TMC1: variants seen among roughly 807,000 people sequenced by gnomAD.
TMC1 encodes the protein transmembrane channel like 1, also known as transmembrane channel-like protein 1.
TMC1 carries 84 observed loss-of-function variants against 105.8 expected under a neutral mutation model. The ratio of observed to expected loss-of-function variants is 0.79; its 90% CI spans 0.67 to 0.95. The LOEUF (loss-of-function observed/expected upper bound fraction) is 0.95, where lower values mean the gene tolerates loss of function less well. Ranked by LOEUF, TMC1 falls within the 40% of genes least tolerant of loss-of-function variation. The pLI, the probability that TMC1 is intolerant of heterozygous loss-of-function variation, is 0.00. For synonymous variants in TMC1, 315 were observed against 311.5 expected, an observed-to-expected ratio of 1.01 and a Z score of -0.12; for missense variants, 817 against 914.1, an observed-to-expected ratio of 0.89 and a Z score of 1.37.
intron 5 of TMC1, among the ~76,000 whole-genome samples, chr9:72,685,309 T>C (rs1394500470): frequency 6.6e-6 from 1 of 150,556 alleles, no homozygotes. Flanking sequence ...GGTTTCACTG[T>C]GTTAGCCAGG....
At position 72,740,139 on chromosome 9, in the gene TMC1, G is replaced by A; in HGVS notation, c.383G>A (p.Ser128Asn). The A allele has an allele frequency of 6.2e-7, 1 of 1,613,636 alleles. No individual in the cohort carries two copies. Among genetic ancestry groups the A allele is most frequent in the Non-Finnish European group, 8.5e-7 (1 of 1,179,712 alleles). ...EVLKEAKKFV[S>N]ENEGALGKGK... Reference sequence around the variant, plus strand: ...CTCAGGGAGGCAAAAAAATTTGTGAGTGAAAATGAAGGGGCTCTTGGGAAA... The same window carrying A: ...CTCAGGGAGGCAAAAAAATTTGTGAATGAAAATGAAGGGGCTCTTGGGAAA... The change falls in exon 9 of 24, where the codon AGT becomes AAT. Residue 128 changes from serine (S) to asparagine (N), a missense_variant. By Grantham distance (46) the Ser-to-Asn change is conservative. Coordinates refer to ENST00000297784, the MANE Select transcript of TMC1 (RefSeq NM_138691.3).
intron 8 of TMC1, among the ~76,000 whole-genome samples, chr9:72,729,703 G>A (rs1827177313): frequency 6.6e-6 from 1 of 152,164 alleles, no homozygotes; most frequent in African/African-American, 2.4e-5. Flanking sequence ...GCAGAAAGAT[G>A]TGATACTTTG....
At chr9:72,765,374 A>G (rs1010972123) in intron 12 of TMC1, among the ~76,000 whole-genome samples, 4 of 152,088 alleles carry the variant, frequency 2.6e-5, no homozygotes, top group African/African-American at 7.2e-5. Context: ...AGGAAGGGGC[A>G]TTCATTACCC....
At chr9:72,614,904 T>C (rs1346765445) in intron 2 of TMC1, among the ~76,000 whole-genome samples, 1 of 152,168 alleles carries the variant, frequency 6.6e-6, no homozygotes, top group African/African-American at 2.4e-5. Context: ...GGTCTGAAAC[T>C]CCTGAGCTCA....
intron 8 of TMC1, among the ~76,000 whole-genome samples, chr9:72,703,375 C>T (rs1434744124): frequency 6.6e-6 from 1 of 152,202 alleles, no homozygotes; most frequent in Non-Finnish European, 1.5e-5. Context: ...CATCTTCCTA[C>T]CTCAGCCTCC....
At chr9:72,713,103 C>A (rs929689686) in intron 8 of TMC1, among the ~76,000 whole-genome samples, 2 of 152,168 alleles carry the variant, frequency 1.3e-5, no homozygotes, top group African/African-American at 4.8e-5. Flanking sequence ...TTGAACCAGC[C>A]TTGCATCCCC....
chr9:72,805,638 C>T (rs1828562705), intron 18 of TMC1, 128 bp downstream of exon 18: 2 of 836,138 alleles, frequency 2.4e-6, no homozygotes, highest in East Asian at 7.0e-5. Context: ...GGAAGGTCAG[C>T]AGATAAACAA....
chr9:72,723,322 T>C (rs562256955), intron 8 of TMC1, among the ~76,000 whole-genome samples: 4 of 152,196 alleles, frequency 2.6e-5, no homozygotes, highest in African/African-American at 9.7e-5. Context: ...TTCTCTCTTT[T>C]TAAATTTTAT....
At chr9:72,597,056 G>A (rs1824733088) in intron 2 of TMC1, among the ~76,000 whole-genome samples, 1 of 152,212 alleles carries the variant, frequency 6.6e-6, no homozygotes, top group African/African-American at 2.4e-5. Flanking sequence ...GGGCTTTGCT[G>A]CTAACGTCAA....
At chr9:72,561,871 A>G (rs920449782) in intron 1 of TMC1, among the ~76,000 whole-genome samples, 11 of 152,110 alleles carry the variant, frequency 7.2e-5, no homozygotes, top group African/African-American at 2.2e-4. Flanking sequence ...AGCGGGGTGC[A>G]GTGGCTCAAG....
At chr9:72,801,898 G>T (rs1163127577) in intron 17 of TMC1, among the ~76,000 whole-genome samples, 1 of 152,166 alleles carries the variant, frequency 6.6e-6, no homozygotes, top group African/African-American at 2.4e-5. Flanking sequence ...GATATTTTAT[G>T]TGAAAGTTAG....
At chr9:72,654,528 T>C (rs1439822367) in intron 5 of TMC1, among the ~76,000 whole-genome samples, 1 of 152,166 alleles carries the variant, frequency 6.6e-6, no homozygotes, top group Non-Finnish European at 1.5e-5. Context: ...GGGTTTACAA[T>C]ATAAATCTTT....
At chr9:72,601,975 T>C (rs2132112909) in intron 2 of TMC1, among the ~76,000 whole-genome samples, 1 of 152,350 alleles carries the variant, frequency 6.6e-6, no homozygotes, top group African/African-American at 2.4e-5. Context: ...CAAAATTCAT[T>C]TATTTTTCAT....
intron 5 of TMC1, among the ~76,000 whole-genome samples, chr9:72,652,914 T>C (rs1825835048): frequency 6.6e-6 from 1 of 152,172 alleles, no homozygotes; most frequent in Non-Finnish European, 1.5e-5. Context: ...TATACTGTCT[T>C]TGGCCATATA....
At chr9:72,530,241 C>T (rs193145992) in intron 1 of TMC1, among the ~76,000 whole-genome samples, 48 of 152,026 alleles carry the variant, frequency 3.2e-4, no homozygotes, top group Admixed American at 1.3e-4. Flanking sequence ...TGTAGTGACG[C>T]GATCTCTACT....
chr9:72,754,301 TTC>T (rs2118065438), intron 11 of TMC1, among the ~76,000 whole-genome samples: 1 of 152,302 alleles, frequency 6.6e-6, no homozygotes, highest in East Asian at 1.9e-4. Flanking sequence ...GGTGCAAGTG[TTC>T]TCACGTTGCA....
At chr9:72,613,565 T>G (rs1432075903) in intron 2 of TMC1, among the ~76,000 whole-genome samples, 2 of 152,148 alleles carry the variant, frequency 1.3e-5, no homozygotes, top group East Asian at 3.8e-4. Flanking sequence ...TAGCAAAACC[T>G]ATCTCTTCTT....
chr9:72,543,381 C>T (rs1359487283), intron 1 of TMC1, among the ~76,000 whole-genome samples: 1 of 152,202 alleles, frequency 6.6e-6, no homozygotes, highest in Non-Finnish European at 1.5e-5. Flanking sequence ...AGAGCTACAA[C>T]CACTTCCCTT....
intron 5 of TMC1, among the ~76,000 whole-genome samples, chr9:72,665,605 C>A (rs1326048246): frequency 1.3e-5 from 2 of 152,212 alleles, no homozygotes; most frequent in African/African-American, 4.8e-5. Context: ...CTGAAATAAA[C>A]CAGGGCAAGC....
Sources: gnomAD v4.1 joint callset for allele counts (sites outside exome capture counted in the v4.1 genomes callset) on GRCh38, gnomAD v4.1.1 for gene constraint, MANE v1.5 for transcripts, NCBI Gene and HGNC (gene_info 2026-07-23, HGNC 2026-07-21) for gene names.